ST3GAL4: variants seen among roughly 807,000 people sequenced by gnomAD.
The protein encoded by ST3GAL4 is CMP-N-acetylneuraminate-beta-galactosamide-alpha-2,3-sialyltransferase 4.
ST3GAL4 carries 24 observed loss-of-function variants against 42.6 expected under a neutral mutation model. The ratio of observed to expected loss-of-function variants is 0.56; its 90% CI spans 0.41 to 0.79. ST3GAL4 has a LOEUF of 0.79. ST3GAL4 is among the 30% of genes least tolerant of loss of function. The pLI is 0.00. For synonymous variants in ST3GAL4, 135 were observed against 163.2 expected (o/e 0.83, Z 1.32); for missense variants, 311 against 430.8 (o/e 0.72, Z 2.46).
intron 1 of ST3GAL4, among the ~76,000 whole-genome samples, chr11:126,377,440 G>C (rs1195973009): frequency 6.6e-6 from 1 of 151,052 alleles, no homozygotes; most frequent in African/African-American, 2.4e-5. Context: ...CAAAGTGCTG[G>C]GATTACAGGT....
chr11:126,407,423 G>A (rs1184021433), intron 5 of ST3GAL4, 74 bp downstream of exon 5: 12 of 1,573,520 alleles, frequency 7.6e-6, no homozygotes, highest in South Asian at 5.5e-5. Flanking sequence ...TGCCGTCCAC[G>A]GCCCCAGTGC....
chr11:126,379,671 T>C lies in ST3GAL4; in HGVS notation c.-61+23829T>C, dbSNP rs1952929540. The stretch of plus-strand genomic sequence containing the variant: ...TTTTGTATTTTTAGTAGAGATGGGG[T>C]TTCACCACGTTGGCCAGGCTGGTCT... On this transcript the variant is annotated intron_variant, in intron 1 of 10. Transcript: ENST00000444328. The surrounding 1 kb of genome is among the most constrained non-coding windows in gnomAD (Gnocchi z 4.2). Among the ~76,000 whole-genome samples, 1 of 151,614 alleles carries C rather than the reference T, an allele frequency of 6.6e-6. No homozygotes were observed. The highest frequency in any genetic ancestry group is 1.5e-5 in the Non-Finnish European group (1 of 67,894).
In ST3GAL4 at chr11:126,373,971, C is replaced by T. The variant is rs1222821715; in HGVS notation, c.-61+18129C>T. On this transcript the variant is annotated intron_variant, in intron 1 of 10. Coordinates refer to ENST00000444328, the MANE Select transcript of ST3GAL4 (RefSeq NM_001254757.2). The surrounding 1 kb of genome is among the most constrained non-coding windows in gnomAD (Gnocchi z 5.5). ...CCACCTGCACTGGAGCGATGCTATC[C>T]GATGAACAGATCCATTTATTAATTC... Among the ~76,000 whole-genome samples the T allele has an allele frequency of 3.3e-5, 5 of 152,090 alleles. No individual in the cohort carries two copies. The highest frequency in any genetic ancestry group is 9.7e-5 in the African/African-American group (4 of 41,422).
At chr11:126,389,445 G>A (rs1256605985) in intron 1 of ST3GAL4, among the ~76,000 whole-genome samples, 2 of 152,128 alleles carry the variant, frequency 1.3e-5, no homozygotes, top group Non-Finnish European at 2.9e-5. Flanking sequence ...TTAAAGTTGG[G>A]TGTCAACCTG....
In ST3GAL4 at chr11:126,378,271, G is replaced by A. The variant is rs966227002; in HGVS notation, c.-61+22429G>A. 2.0e-5 allele frequency among the ~76,000 whole-genome samples: 3 copies of A among 152,166 alleles called. No homozygotes were observed. Among genetic ancestry groups the A allele is most frequent in the East Asian group, 1.9e-4 (1 of 5,196 alleles). On this transcript the variant is annotated intron_variant, in intron 1 of 10. Transcript: ENST00000444328. This position sits in a 1 kb window ranked among gnomAD's most constrained non-coding sequence, Gnocchi z 5.3. ...ATTACCCACGAGTTGGGGGTGATAC[G>A]AATGTCATGGTTATTCTCCGTCACA...
At position 126,363,731 on chromosome 11, in the gene ST3GAL4, A is replaced by G. The variant is rs1174042686; in HGVS notation, c.-61+7889A>G. Among the ~76,000 whole-genome samples, 2 of 151,888 alleles carry G rather than the reference A, an allele frequency of 1.3e-5. No individual in the cohort carries two copies. Among genetic ancestry groups the G allele is most frequent in the South Asian group, 2.1e-4 (1 of 4,820 alleles). On this transcript the variant is annotated intron_variant, in intron 1 of 10. Coordinates refer to ENST00000444328, the MANE Select transcript of ST3GAL4 (RefSeq NM_001254757.2). The surrounding 1 kb of genome is among the most constrained non-coding windows in gnomAD (Gnocchi z 4.6). ...CCCTAGCCTGGGACCTGAACCCTCC[A>G]CCCTCCTCTCTCTTGAGCTCTTTCT...
rs1953166409 is a variant in ST3GAL4 at position 126,384,968 on chromosome 11, C to T, written c.-60-21128C>T. The T allele has an allele frequency of 2.1e-6, 2 of 950,960 alleles. No homozygotes were observed. The highest frequency in any genetic ancestry group is 5.4e-4 in the Middle Eastern group (1 of 1,862). The allele number at this position is 950,960 out of a possible 1,614,324, so 58.9% of individuals were successfully genotyped here. A position where few individuals can be genotyped will look rare whatever the true frequency, so the allele number is the denominator to read the frequency against. On this transcript the variant is annotated intron_variant, in intron 1 of 10. Transcript: ENST00000444328. This position sits in a 1 kb window ranked among gnomAD's most constrained non-coding sequence, Gnocchi z 5.5. Reference sequence around the variant, plus strand: ...CCTGGGAAGGGAGGACCAGGTGTCGCTGGCACCTTCCACGTCCTGAGTGCT... The same window carrying T: ...CCTGGGAAGGGAGGACCAGGTGTCGTTGGCACCTTCCACGTCCTGAGTGCT...
intron 9 of ST3GAL4, among the ~76,000 whole-genome samples, chr11:126,412,364 G>C (rs1954570084): frequency 6.6e-6 from 1 of 152,200 alleles, no homozygotes; most frequent in Non-Finnish European, 1.5e-5. Flanking sequence ...ATGAGGTCCA[G>C]GAAAGGCTCC....
At chr11:126,371,738 A>G (rs889971605) in intron 1 of ST3GAL4, among the ~76,000 whole-genome samples, 2 of 152,214 alleles carry the variant, frequency 1.3e-5, no homozygotes, top group Admixed American at 6.5e-5. Context: ...GCTAATAAAC[A>G]TGCTTGAATG....
Position 126,414,173 on chromosome 11 carries a change from C to A in ST3GAL4, c.*126C>A. 1.1e-6 allele frequency: 1 copy of A among 901,814 alleles called. No homozygotes were observed. Among genetic ancestry groups the A allele is most frequent in the Non-Finnish European group, 1.8e-6 (1 of 555,762 alleles). 55.9% of individuals were successfully genotyped at this position (901,814 alleles called of 1,614,324 possible). On this transcript the variant is annotated 3_prime_UTR_variant, in exon 11 of 11. Transcript: ENST00000444328. The stretch of plus-strand genomic sequence containing the variant: ...CTCACCCCCTCTTGGGGAGGGAGTT[C>A]TGGGCCTGGCCAGGTCTGAGATGAG...
chr11:126,399,406 A>G lies in ST3GAL4; in HGVS notation c.-60-6690A>G, dbSNP rs12281624. 4.5e-3 allele frequency among the ~76,000 whole-genome samples: 632 copies of G among 141,174 alleles called. 7 individuals are homozygous for G. Among genetic ancestry groups the G allele is most frequent in the African/African-American group, 0.016 (601 of 38,544 alleles). The allele number at this position is 141,174 out of a possible 152,430, so 92.6% of individuals were successfully genotyped here. A position where few individuals can be genotyped will look rare whatever the true frequency, so the allele number is the denominator to read the frequency against. On this transcript the variant is annotated intron_variant, in intron 1 of 10. Coordinates refer to ENST00000444328, the MANE Select transcript of ST3GAL4 (RefSeq NM_001254757.2). ...TGCAACTTCTGTCTCCTGGGTTCAA[A>G]CCATTCTCCTGCCTTAGCCTCCCTA...
rs368150718 is a variant in ST3GAL4, at chr11:126,386,141, C to T, written c.-60-19955C>T. On this transcript the variant is annotated intron_variant, in intron 1 of 10. Transcript: ENST00000444328. The surrounding 1 kb of genome is among the most constrained non-coding windows in gnomAD (Gnocchi z 4.7). ...CTTCATGTAGGCCTCCGGTTTATAG[C>T]CGGCTCCTCAGAGACATGGTTCTAT... Among the ~76,000 whole-genome samples the T allele has an allele frequency of 1.7e-4, 26 of 152,264 alleles. 1 individual carries two copies. In the South Asian group the frequency reaches 4.6e-3, roughly 27 times the overall value.
chr11:126,381,099 C>T (rs1383514609), intron 1 of ST3GAL4, among the ~76,000 whole-genome samples: 1 of 152,186 alleles, frequency 6.6e-6, no homozygotes, highest in Non-Finnish European at 1.5e-5. Flanking sequence ...GCTGTCCTGC[C>T]CCTAGCCCAG....
chr11:126,406,200 C>G lies in ST3GAL4; in HGVS notation c.16+29C>G, dbSNP rs190622122. 5.1e-6 allele frequency: 8 copies of G among 1,556,714 alleles called. No individual in the cohort carries two copies. The Admixed American group carries it at 1.5e-4, about 30-fold the overall frequency. On this transcript the variant is annotated intron_variant, in intron 2 of 10. Coordinates refer to ENST00000444328, the MANE Select transcript of ST3GAL4 (RefSeq NM_001254757.2). The surrounding 1 kb of genome is among the most constrained non-coding windows in gnomAD (Gnocchi z 5.4). ...AGTGTCATCCGAGGGCTCCCCCACC[C>G]TGGAGGACAGGCCTCAGAAGCCGTC...
intron 1 of ST3GAL4, among the ~76,000 whole-genome samples, chr11:126,360,208 T>C (rs1591408140): frequency 6.6e-6 from 1 of 152,206 alleles, no homozygotes; most frequent in South Asian, 2.1e-4. Flanking sequence ...CCAGCCGGGG[T>C]ATACCCTGGG....
At chr11:126,407,489 C>T (rs575601759) in intron 5 of ST3GAL4, 85 bp from the exon 6 acceptor site, 16 of 1,569,544 alleles carry the variant, frequency 1.0e-5, no homozygotes, top group Middle Eastern at 3.3e-4. Flanking sequence ...AGGCAGCCAG[C>T]GCTCTGAGGA....
At chr11:126,374,046 T>C (rs1404426793) in intron 1 of ST3GAL4, among the ~76,000 whole-genome samples, 2 of 151,960 alleles carry the variant, frequency 1.3e-5, no homozygotes, top group South Asian at 2.1e-4. Context: ...ATTGTCAACA[T>C]GGGTAATACA....
chr11:126,409,160 C>A lies in ST3GAL4; in HGVS notation c.628-108C>A. On this transcript the variant is annotated intron_variant, in intron 8 of 10. Transcript: ENST00000444328. This position sits in a 1 kb window ranked among gnomAD's most constrained non-coding sequence, Gnocchi z 4.9. ...TCCTCTCACCTTGTGCTCCTGAAGG[C>A]CTCTGCCATCGCTTGGACCCCCTCG... 1 of 1,386,552 alleles carries A rather than the reference C, an allele frequency of 7.2e-7. No homozygotes were observed. Among genetic ancestry groups the A allele is most frequent in the Non-Finnish European group, 1.0e-6 (1 of 998,650 alleles). The allele number at this position is 1,386,552 out of a possible 1,614,324, so 85.9% of individuals were successfully genotyped here.
At chr11:126,368,935 C>A (rs907278786) in intron 1 of ST3GAL4, among the ~76,000 whole-genome samples, 1 of 152,160 alleles carries the variant, frequency 6.6e-6, no homozygotes, top group East Asian at 1.9e-4. Context: ...TCCCCCACCC[C>A]GTTGGAGAAG....
Sources: gnomAD v4.1 joint callset for allele counts (sites outside exome capture counted in the v4.1 genomes callset) on GRCh38, gnomAD v4.1.1 for gene constraint, Gnocchi (gnomAD v3.1) non-coding constraint, MANE v1.5 for transcripts, NCBI Gene and HGNC (gene_info 2026-07-23, HGNC 2026-07-21) for gene names.